USH2A: variants seen among roughly 807,000 people sequenced by gnomAD.
The protein encoded by USH2A is Usher syndrome 2A (autosomal recessive, mild).
Under a neutral mutation model 538.9 loss-of-function variants are expected in USH2A, and 443 were observed. That is an observed-to-expected ratio of 0.82 (90% CI 0.76 to 0.89). The LOEUF is 0.89. Ranked by LOEUF, USH2A falls within the 40% of genes least tolerant of loss-of-function variation. The pLI is 0.00. For synonymous variants in USH2A, 2,413 were observed against 2,273.5 expected (o/e 1.06, Z -1.75); for missense variants, 6,633 against 6,324.8 (o/e 1.05, Z -1.65).
At chr1:216,053,043 G>A (rs1364395940) in intron 30 of USH2A, among the ~76,000 whole-genome samples, 1 of 152,022 alleles carries the variant, frequency 6.6e-6, no homozygotes, top group Admixed American at 6.6e-5. Context: ...GTCTGGAAAA[G>A]GTGCTATAGA....
At chr1:216,134,914 T>C (rs779968370) in intron 21 of USH2A, among the ~76,000 whole-genome samples, 2 of 152,070 alleles carry the variant, frequency 1.3e-5, no homozygotes, top group Non-Finnish European at 2.9e-5. Context: ...CAGTAGTACA[T>C]AAGCATATGA....
chr1:216,029,813 T>C (rs1669050288), intron 32 of USH2A, among the ~76,000 whole-genome samples: 1 of 151,524 alleles, frequency 6.6e-6, no homozygotes. Context: ...TGATGCGTTG[T>C]TAATGGTATT....
rs773373939 is a variant in USH2A, at chr1:215,758,705, C to T, written c.11279G>A (p.Ser3760Asn). ...AGGTGTTTGAACAATGTAATCATCA[C>T]TAGCACTGCTGCCACCTCCAGTTTT... ...EVKTGGGSSA[S>N]DDYIVQTPMS... Residue 3760 changes from serine (S) to asparagine (N), a missense_variant, in exon 58 of 72, where the codon AGT (serine) becomes AAT (asparagine). Ser to Asn is a conservative substitution (Grantham distance 46). Transcript: ENST00000307340. The T allele has an allele frequency of 1.2e-6, 2 of 1,613,990 alleles. No individual in the cohort carries two copies. The highest frequency in any genetic ancestry group is 2.2e-5 in the East Asian group (1 of 44,844).
chr1:216,258,173 T>C (rs2102561968), intron 11 of USH2A, among the ~76,000 whole-genome samples: 1 of 152,222 alleles, frequency 6.6e-6, no homozygotes, highest in East Asian at 1.9e-4. Context: ...TGTGTTTTGT[T>C]CTTGGATGCA....
Position 215,689,871 on chromosome 1 carries a change from C to T in USH2A, c.12067-9495G>A, listed in dbSNP as rs1014022521. Among the ~76,000 whole-genome samples the T allele has an allele frequency of 1.9e-4, 29 of 152,238 alleles. No homozygotes were observed. The East Asian group carries it at 4.2e-3, about 22-fold the overall frequency. The stretch of plus-strand genomic sequence containing the variant: ...CCCTAATTGTAGCCTTATGAGACCT[C>T]GAACAAAAGGCCTGAGACTCTTGAC... On this transcript the variant is annotated intron_variant, in intron 61 of 71. Coordinates refer to ENST00000307340, the MANE Select transcript of USH2A (RefSeq NM_206933.4).
At chr1:215,837,930 T>G (rs1663576475) in intron 47 of USH2A, 61 bp downstream of exon 47, 1 of 1,364,150 alleles carries the variant, frequency 7.3e-7, no homozygotes. Flanking sequence ...ATACCTTTGA[T>G]TTTTATTTTC....
At chr1:216,134,539 T>C (rs2033441499) in intron 21 of USH2A, among the ~76,000 whole-genome samples, 1 of 152,112 alleles carries the variant, frequency 6.6e-6, no homozygotes, top group Non-Finnish European at 1.5e-5. Context: ...AAAGATAATA[T>C]AGGGTTTGCA....
At chr1:216,028,334 C>A (rs1571900809) in intron 32 of USH2A, among the ~76,000 whole-genome samples, 1 of 151,762 alleles carries the variant, frequency 6.6e-6, no homozygotes. Context: ...TTGCAGTGAG[C>A]CAAAATCATT....
At position 216,250,280 on chromosome 1, in the gene USH2A, T is replaced by A. The variant is rs115831681; in HGVS notation, c.2167+623A>T. 3.6e-3 allele frequency among the ~76,000 whole-genome samples: 549 copies of A among 152,236 alleles called. 4 individuals carry two copies. The highest frequency in any genetic ancestry group is 0.012 in the African/African-American group (517 of 41,552). On this transcript the variant is annotated intron_variant, in intron 12 of 71. Coordinates refer to ENST00000307340, the MANE Select transcript of USH2A (RefSeq NM_206933.4). The stretch of plus-strand genomic sequence containing the variant: ...AAAAAGCACGTCTTGTATAAAAAAA[T>A]GATAAATAACACCGAAGGCAGCTGT...
intron 30 of USH2A, among the ~76,000 whole-genome samples, chr1:216,052,620 G>T (rs2030829796): frequency 6.6e-6 from 1 of 152,150 alleles, no homozygotes; most frequent in Non-Finnish European, 1.5e-5. Flanking sequence ...ACTTCAGGAA[G>T]AAGAACACTA....
chr1:216,151,293 C>T (rs1456488393), intron 21 of USH2A, among the ~76,000 whole-genome samples: 3 of 152,082 alleles, frequency 2.0e-5, no homozygotes, highest in Admixed American at 6.5e-5. Context: ...AGTTTTGCCT[C>T]GCACAAGGTC....
At chr1:215,877,729 A>G (rs1664808371) in intron 43 of USH2A, 29 bp downstream of exon 43, 3 of 1,612,908 alleles carry the variant, frequency 1.9e-6, no homozygotes, top group Non-Finnish European at 8.5e-7. Context: ...AAATGCCAGC[A>G]TTTGTTTTTA....
At chr1:215,652,509 C>A (rs764611671) in intron 64 of USH2A, among the ~76,000 whole-genome samples, 2 of 152,216 alleles carry the variant, frequency 1.3e-5, no homozygotes, top group South Asian at 4.2e-4. Flanking sequence ...AATGGGAGAG[C>A]CAGATTTCAT....
At chr1:216,014,531 A>G (rs960147925) in intron 32 of USH2A, among the ~76,000 whole-genome samples, 1 of 152,252 alleles carries the variant, frequency 6.6e-6, no homozygotes, top group Non-Finnish European at 1.5e-5. Context: ...GCAGGTATGT[A>G]CACAAATCTG....
chr1:216,009,174 C>A (rs934610758), intron 32 of USH2A, among the ~76,000 whole-genome samples: 1 of 152,034 alleles, frequency 6.6e-6, no homozygotes, highest in Non-Finnish European at 1.5e-5. Context: ...CTCTTTCCCA[C>A]TTTTCTGGAG....
intron 4 of USH2A, among the ~76,000 whole-genome samples, chr1:216,355,378 G>GAAAGGAAGAAAGAAAGAAAGAAA (rs1191084342): frequency 1.2e-4 from 14 of 112,950 alleles, no homozygotes; most frequent in African/African-American, 4.5e-4. Context: ...AAAGAAAGAA[G>GAAAGGAAGAAAGAAAGAAAGAAA]GAAAGAAACA....
chr1:215,724,140 C>A (rs1659742739), intron 61 of USH2A, among the ~76,000 whole-genome samples: 1 of 151,546 alleles, frequency 6.6e-6, no homozygotes, highest in African/African-American at 2.4e-5. Context: ...TTTCCATTTC[C>A]ACTTTCCATA....
rs1187893890 is a variant in USH2A, at chr1:215,625,751, C to T, written c.*30G>A. 3.7e-6 allele frequency: 6 copies of T among 1,608,544 alleles called. No homozygotes were observed. The highest frequency in any genetic ancestry group is 1.6e-4 in the Middle Eastern group (1 of 6,074). On this transcript the variant is annotated 3_prime_UTR_variant, in exon 72 of 72. Coordinates refer to ENST00000307340, the MANE Select transcript of USH2A (RefSeq NM_206933.4). ...AGGAAATGGGTGCAGACCTTGCATT[C>T]CAGGGTTACGTCTTCTGGGTTTCCA...
At chr1:216,285,514 G>T (rs1161908498) in intron 11 of USH2A, among the ~76,000 whole-genome samples, 1 of 152,230 alleles carries the variant, frequency 6.6e-6, no homozygotes, top group Non-Finnish European at 1.5e-5. Context: ...AAGTACCTCT[G>T]CTAAGGTAGT....
Sources: allele counts gnomAD v4.1 joint callset (sites outside exome capture counted in the v4.1 genomes callset), GRCh38; gene constraint gnomAD v4.1.1; transcripts MANE v1.5; gene names NCBI Gene and HGNC (gene_info 2026-07-23, HGNC 2026-07-21).